Variants in PDE12 observed in about 807,000 individuals in gnomAD.
PDE12 encodes the protein 2',5'-phosphodiesterase 12.
In PDE12, 26 loss-of-function variants were observed where a neutral mutation model predicts 45.4. The observed-to-expected ratio is 0.57, with a 90% CI of 0.42 to 0.79. The LOEUF is 0.79. Ranked by LOEUF, PDE12 falls within the 30% of genes least tolerant of loss-of-function variation. PDE12 has a pLI of 0.00. For missense variants in PDE12, 668 were observed against 790.0 expected (o/e 0.85, Z 1.85); for synonymous variants, 283 against 323.9 (o/e 0.87, Z 1.36).
At chr3:57,606,431 A>G in the PDE12 span, among the ~76,000 whole-genome samples, 1 of 152,208 alleles carries the variant, frequency 6.6e-6, no homozygotes, top group Admixed American at 6.5e-5. Context: ...CAGACATGCA[A>G]AAGTTGAAAG....
downstream of PDE12, among the ~76,000 whole-genome samples, chr3:57,570,219 GTT>G (rs34599005): frequency 4.9e-5 from 5 of 102,326 alleles, no homozygotes; most frequent in Admixed American, 1.3e-4. Flanking sequence ...TTAATCCAGT[GTT>G]TTTTTTTTTT....
the PDE12 span, among the ~76,000 whole-genome samples, chr3:57,636,658 C>T: frequency 3.4e-4 from 52 of 152,108 alleles, 1 homozygote; most frequent in Middle Eastern, 0.024. Context: ...AAAAGTTGGC[C>T]GGGCGTGGTG....
the PDE12 span, among the ~76,000 whole-genome samples, chr3:57,644,335 C>T: frequency 6.6e-6 from 1 of 151,926 alleles, no homozygotes; most frequent in Non-Finnish European, 1.5e-5. Flanking sequence ...GACAGGGTCT[C>T]ACTCTGTTCC....
chr3:57,629,678 ATTTTTTTTTTT>A, the PDE12 span, among the ~76,000 whole-genome samples: 1 of 136,494 alleles, frequency 7.3e-6, no homozygotes, highest in Non-Finnish European at 1.6e-5. Flanking sequence ...CGCCCGGCTA[ATTTTTTTTTTT>A]TTTTTTGTAT....
chr3:57,582,264 A>G, the PDE12 span, among the ~76,000 whole-genome samples: 1 of 150,578 alleles, frequency 6.6e-6, no homozygotes, highest in African/African-American at 2.4e-5. Context: ...TTTTTTTGAG[A>G]CAGAGTCTCG....
chr3:57,584,106 T>C, the PDE12 span: 29 of 825,924 alleles, frequency 3.5e-5, no homozygotes, highest in Middle Eastern at 3.4e-4. Flanking sequence ...AAAGTACTTC[T>C]TTTTATTTTT....
rs1294269412 is a variant in PDE12 at position 57,556,611 on chromosome 3, A to G, written c.232A>G (p.Ile78Val). The G allele has an allele frequency of 6.2e-7, 1 of 1,611,910 alleles. No homozygotes were observed. The highest frequency in any genetic ancestry group is 1.3e-5 in the African/African-American group (1 of 74,918). ...SEPLGRVLSR[I>V]ATNALKGHAK... is the part of the protein sequence containing the mutation. Reference sequence around the variant, plus strand: ...GCCGCTGGGTCGAGTCCTCAGCCGCATCGCTACCAATGCCCTAAAGGGTCA... The same window carrying G: ...GCCGCTGGGTCGAGTCCTCAGCCGCGTCGCTACCAATGCCCTAAAGGGTCA... The change falls in exon 1 of 3, where the codon ATC becomes GTC. Residue 78 changes from isoleucine to valine, a missense_variant. Transcript: ENST00000311180. This position sits in a 1 kb window ranked among gnomAD's most constrained non-coding sequence, Gnocchi z 5.0.
At chr3:57,652,043 T>TAAAATA in the PDE12 span, among the ~76,000 whole-genome samples, 1 of 151,838 alleles carries the variant, frequency 6.6e-6, no homozygotes, top group Admixed American at 6.6e-5. Context: ...ACAAAAATAA[T>TAAAATA]AAAATAAAAA....
At chr3:57,618,607 G>GTTTTTTTT in the PDE12 span, among the ~76,000 whole-genome samples, 829 of 79,340 alleles carry the variant, frequency 0.01, 49 homozygotes, top group South Asian at 0.016. Context: ...TTGCTTTTGT[G>GTTTTTTTT]TTTTTTTTTT....
At chr3:57,585,535 C>G in the PDE12 span, among the ~76,000 whole-genome samples, 1 of 152,238 alleles carries the variant, frequency 6.6e-6, no homozygotes, top group East Asian at 1.9e-4. Context: ...TTAATGGGTG[C>G]AGCACACCAA....
chr3:57,577,496 C>T, the PDE12 span: 1 of 837,356 alleles, frequency 1.2e-6, no homozygotes, highest in African/African-American at 1.7e-5. Flanking sequence ...AAGAAAATGT[C>T]TCTTTAAAAG....
chr3:57,586,220 G>C, the PDE12 span, among the ~76,000 whole-genome samples: 2 of 152,084 alleles, frequency 1.3e-5, no homozygotes, highest in Admixed American at 1.3e-4. Context: ...ATATCTGGCC[G>C]CCTGGGTTTA....
the PDE12 span, chr3:57,572,289 G>C: frequency 6.2e-7 from 1 of 1,613,070 alleles, no homozygotes; most frequent in Non-Finnish European, 8.5e-7. Context: ...CAAGTGGCTT[G>C]AACATACCAC....
chr3:57,602,723 A>AT, the PDE12 span, among the ~76,000 whole-genome samples: 1 of 151,974 alleles, frequency 6.6e-6, no homozygotes, highest in African/African-American at 2.4e-5. Context: ...GGCGTGCGCC[A>AT]CTACGCCTGG....
chr3:57,578,052 A>G, the PDE12 span, among the ~76,000 whole-genome samples: 1 of 152,116 alleles, frequency 6.6e-6, no homozygotes, highest in Non-Finnish European at 1.5e-5. Context: ...CCCTATCTCA[A>G]AAAACAAACA....
At chr3:57,656,118 T>G in the PDE12 span, among the ~76,000 whole-genome samples, 1 of 152,226 alleles carries the variant, frequency 6.6e-6, no homozygotes. Context: ...CAGTAAAATT[T>G]ACCCTTACCA....
chr3:57,559,817 C>T lies in PDE12; in HGVS notation c.1643C>T (p.Ala548Val). ...FKLKSACGEP[A>V]YTNYVGGFHG... The stretch of plus-strand genomic sequence containing the variant: ...CTGAAAAGTGCTTGTGGTGAACCTG[C>T]TTACACAAATTATGTTGGTGGCTTT... Residue 548 changes from alanine to valine, a missense_variant, in exon 3 of 3, where the codon GCT (alanine) becomes GTT (valine). Transcript: ENST00000311180. The T allele has an allele frequency of 6.2e-7, 1 of 1,614,144 alleles. No individual in the cohort carries two copies. The highest frequency in any genetic ancestry group is 8.5e-7 in the Non-Finnish European group (1 of 1,180,026).
the PDE12 span, among the ~76,000 whole-genome samples, chr3:57,579,853 C>T: frequency 6.6e-6 from 1 of 152,192 alleles, no homozygotes; most frequent in South Asian, 2.1e-4. Flanking sequence ...TCTAATCCCA[C>T]CACTTTGGGA....
the PDE12 span, among the ~76,000 whole-genome samples, chr3:57,586,246 T>C: frequency 6.6e-6 from 1 of 152,104 alleles, no homozygotes; most frequent in African/African-American, 2.4e-5. Flanking sequence ...TCACAGATTT[T>C]TGTATCGATT....
Sources: gnomAD v4.1 joint callset for allele counts (sites outside exome capture counted in the v4.1 genomes callset) on GRCh38, gnomAD v4.1.1 for gene constraint, Gnocchi (gnomAD v3.1) non-coding constraint, MANE v1.5 for transcripts, NCBI Gene and HGNC (gene_info 2026-07-23, HGNC 2026-07-21) for gene names.